SHISA9: variants seen among roughly 807,000 people sequenced by gnomAD.
The protein encoded by SHISA9 is shisa family member 9.
A neutral mutation model predicts 38.0 loss-of-function variants in SHISA9; 13 were observed. The observed-to-expected ratio is 0.34, with a 90% CI of 0.22 to 0.54. The LOEUF is 0.54. Among genes scored for constraint, SHISA9 ranks in the 20% least tolerant of loss-of-function variants. The pLI, the probability that SHISA9 is intolerant of heterozygous loss-of-function variation, is 0.91. For synonymous variants in SHISA9, 275 were observed against 242.0 expected, an observed-to-expected ratio of 1.14 and a Z score of -1.27; for missense variants, 538 against 575.8, an observed-to-expected ratio of 0.93 and a Z score of 0.67.
chr16:13,461,889 A>G, the SHISA9 span, among the ~76,000 whole-genome samples: 1 of 152,064 alleles, frequency 6.6e-6, no homozygotes, highest in African/African-American at 2.4e-5. Flanking sequence ...CTGGGATTAC[A>G]GGCGTGAGCC....
At chr16:13,132,273 G>A (rs1353698234) in intron 2 of SHISA9, among the ~76,000 whole-genome samples, 3 of 152,126 alleles carry the variant, frequency 2.0e-5, no homozygotes, top group Non-Finnish European at 2.9e-5. Context: ...AAGACTGTCG[G>A]ATGAGAATGA....
the SHISA9 span, among the ~76,000 whole-genome samples, chr16:13,408,209 G>A: frequency 4.0e-5 from 6 of 151,856 alleles, no homozygotes; most frequent in Non-Finnish European, 7.4e-5. Flanking sequence ...ACACTTGTGG[G>A]GTATGAAGGT....
intron 1 of SHISA9, chr16:12,908,610 A>G (rs1279767501): frequency 4.5e-6 from 7 of 1,551,356 alleles, no homozygotes; most frequent in Non-Finnish European, 4.4e-6. Flanking sequence ...GCTAGGCTGC[A>G]CTGCGTTTGA....
chr16:13,483,438 A>AG, the SHISA9 span, among the ~76,000 whole-genome samples: 20 of 152,126 alleles, frequency 1.3e-4, no homozygotes, highest in Admixed American at 6.5e-4. Flanking sequence ...CATACAAGGG[A>AG]GCAGAGAACG....
intron 2 of SHISA9, among the ~76,000 whole-genome samples, chr16:13,019,797 T>TTTCC (rs1386712293): frequency 7.2e-6 from 1 of 138,960 alleles, no homozygotes; most frequent in Non-Finnish European, 1.6e-5. Context: ...TCTTTCTTTC[T>TTTCC]TTCTTTCTTT....
chr16:13,371,260 C>T, the SHISA9 span, among the ~76,000 whole-genome samples: 1 of 152,166 alleles, frequency 6.6e-6, no homozygotes, highest in African/African-American at 2.4e-5. Flanking sequence ...ATTCAGTCTG[C>T]AGACATTTAC....
intron 2 of SHISA9, among the ~76,000 whole-genome samples, chr16:13,146,248 G>A (rs2050446541): frequency 6.6e-6 from 1 of 152,236 alleles, no homozygotes; most frequent in East Asian, 1.9e-4. Context: ...AGATGCTGGA[G>A]GTCTCAGCCT....
chr16:13,050,831 T>C (rs1501304), intron 2 of SHISA9, among the ~76,000 whole-genome samples: 94,958 of 151,988 alleles, frequency 0.62, 30,353 homozygotes, highest in Middle Eastern at 0.74. Flanking sequence ...CATCCTAATC[T>C]CCTAAAGATT....
the SHISA9 span, among the ~76,000 whole-genome samples, chr16:13,527,018 T>A: frequency 2.6e-5 from 4 of 152,186 alleles, no homozygotes; most frequent in Non-Finnish European, 4.4e-5. Context: ...CCTCATACAC[T>A]GACTTTTTCT....
intron 2 of SHISA9, among the ~76,000 whole-genome samples, chr16:13,175,803 G>GC (rs1264994911): frequency 5.9e-5 from 9 of 152,100 alleles, no homozygotes; most frequent in Non-Finnish European, 7.4e-5. Flanking sequence ...AATAAAATAT[G>GC]CCCCCCCACA....
At chr16:12,945,633 T>C (rs1401836594) in intron 2 of SHISA9, among the ~76,000 whole-genome samples, 2 of 152,216 alleles carry the variant, frequency 1.3e-5, no homozygotes, top group African/African-American at 4.8e-5. Context: ...TTATGTGGCC[T>C]TGAATAAGTT....
chr16:13,401,030 C>T, the SHISA9 span, among the ~76,000 whole-genome samples: 1 of 152,142 alleles, frequency 6.6e-6, no homozygotes, highest in Non-Finnish European at 1.5e-5. Flanking sequence ...AGGGAGTGTG[C>T]TGGAATGCAT....
In SHISA9 at chr16:13,213,234, T is replaced by C. The variant is rs374918829; in HGVS notation, c.848-19T>C. ...CCTGCAAACAGATCATCAGCATTTC[T>C]TGATTGTTATTTTTTTAGGAAGTTC... On this transcript the variant is annotated intron_variant, in intron 3 of 4. Transcript: ENST00000558583. 144 of 1,551,216 alleles carry C rather than the reference T, an allele frequency of 9.3e-5. No homozygotes were observed. The highest frequency in any genetic ancestry group is 1.2e-4 in the Non-Finnish European group (140 of 1,146,532).
intron 2 of SHISA9, among the ~76,000 whole-genome samples, chr16:13,066,632 A>C (rs73518734): frequency 2.6e-5 from 4 of 152,198 alleles, no homozygotes; most frequent in Non-Finnish European, 5.9e-5. Context: ...TAAAATGGGA[A>C]TATTAACCAT....
At chr16:13,367,696 G>C in the SHISA9 span, among the ~76,000 whole-genome samples, 3 of 66,292 alleles carry the variant, frequency 4.5e-5, no homozygotes, top group East Asian at 1.8e-3. Context: ...ACGCGTGTGC[G>C]TGCGCGCGCG....
At chr16:12,962,787 G>A (rs886326074) in intron 2 of SHISA9, among the ~76,000 whole-genome samples, 4 of 152,144 alleles carry the variant, frequency 2.6e-5, no homozygotes, top group Admixed American at 2.0e-4. Context: ...ATTTCCCCTC[G>A]CCACTTTGAA....
intron 2 of SHISA9, among the ~76,000 whole-genome samples, chr16:13,107,191 G>C (rs1189560468): frequency 6.6e-6 from 1 of 152,054 alleles, no homozygotes; most frequent in Non-Finnish European, 1.5e-5. Context: ...CCAGCACTTT[G>C]GGAGGCCGAG....
chr16:13,118,730 C>CTTT (rs34471353), intron 2 of SHISA9, among the ~76,000 whole-genome samples: 5,262 of 130,718 alleles, frequency 0.04, 153 homozygotes, highest in Middle Eastern at 0.077. Context: ...TTTCTTTTTT[C>CTTT]TTTTTTTTTT....
At chr16:12,927,274 G>C (rs576338976) in intron 2 of SHISA9, among the ~76,000 whole-genome samples, 94 of 152,282 alleles carry the variant, frequency 6.2e-4, no homozygotes, top group African/African-American at 2.2e-3. Flanking sequence ...TGCAGTTAAT[G>C]AAACTAAGTA....
Sources: gnomAD v4.1 joint callset for allele counts (sites outside exome capture counted in the v4.1 genomes callset) on GRCh38, gnomAD v4.1.1 for gene constraint, MANE v1.5 for transcripts, NCBI Gene and HGNC (gene_info 2026-07-23, HGNC 2026-07-21) for gene names.